The following ZNF804B variants were observed in gnomAD, a reference collection of about 807,000 sequenced individuals.
ZNF804B encodes zinc finger protein 804B.
ZNF804B carries 80 observed loss-of-function variants against 101.4 expected under a neutral mutation model. That is an observed-to-expected ratio of 0.79 (90% CI 0.66 to 0.95). The LOEUF (loss-of-function observed/expected upper bound fraction) is 0.95, where lower values mean the gene tolerates loss of function less well. Among genes scored for constraint, ZNF804B ranks in the 40% least tolerant of loss-of-function variants. ZNF804B has a pLI of 0.00. For missense variants in ZNF804B, 1,673 were observed against 1,561.9 expected (o/e 1.07, Z -1.20); for synonymous variants, 622 against 558.8 (o/e 1.11, Z -1.59).
Position 88,837,656 on chromosome 7 carries a change from GT to G in ZNF804B, c.108+77576del, listed in dbSNP as rs564488104. 9.9e-5 allele frequency among the ~76,000 whole-genome samples: 15 copies of G among 151,978 alleles called. No homozygotes were observed. In the South Asian group the frequency reaches 3.1e-3, roughly 32 times the overall value. On this transcript the variant is annotated intron_variant, in intron 1 of 3. Coordinates refer to ENST00000333190, the MANE Select transcript of ZNF804B (RefSeq NM_181646.5). ...GCTTTAATAAGTCACCAATTGTCAAGTTTTAGTGTAGTATCAAGGGAGAACG... is the reference window on the plus strand; with the variant it reads ...GCTTTAATAAGTCACCAATTGTCAAGTTTAGTGTAGTATCAAGGGAGAACG...
At chr7:89,074,843 A>G (rs2116303270) in intron 1 of ZNF804B, among the ~76,000 whole-genome samples, 1 of 152,306 alleles carries the variant, frequency 6.6e-6, no homozygotes, top group Admixed American at 6.5e-5. Context: ...TAGTGATATG[A>G]ACAATAACTT....
intron 2 of ZNF804B, among the ~76,000 whole-genome samples, chr7:89,276,541 TA>T (rs1789984043): frequency 6.6e-6 from 1 of 151,912 alleles, no homozygotes; most frequent in African/African-American, 2.4e-5. Context: ...ACTTCTGAGA[TA>T]AATTATGAGA....
At chr7:89,121,753 TA>T (rs1255734809) in intron 1 of ZNF804B, among the ~76,000 whole-genome samples, 1 of 152,164 alleles carries the variant, frequency 6.6e-6, no homozygotes, top group African/African-American at 2.4e-5. Context: ...TTTATTTTGG[TA>T]ATTGTGTTAT....
intron 1 of ZNF804B, among the ~76,000 whole-genome samples, chr7:89,142,224 A>G (rs1790728247): frequency 6.6e-6 from 1 of 151,380 alleles, no homozygotes; most frequent in African/African-American, 2.4e-5. Flanking sequence ...CTAAAAAAAA[A>G]GAAGGATTCT....
chr7:89,295,413 T>C (rs1790366397), intron 2 of ZNF804B, among the ~76,000 whole-genome samples: 1 of 152,154 alleles, frequency 6.6e-6, no homozygotes, highest in African/African-American at 2.4e-5. Context: ...CTGGTAATTT[T>C]TCTCACCATG....
intron 1 of ZNF804B, among the ~76,000 whole-genome samples, chr7:89,145,565 A>G (rs577442702): frequency 2.6e-5 from 4 of 152,220 alleles, no homozygotes; most frequent in African/African-American, 9.6e-5. Flanking sequence ...TCAATTCTTT[A>G]CAGCCATCAT....
At chr7:89,208,236 C>A (rs933543168) in intron 1 of ZNF804B, among the ~76,000 whole-genome samples, 1 of 152,060 alleles carries the variant, frequency 6.6e-6, no homozygotes, top group African/African-American at 2.4e-5. Flanking sequence ...TGCCAGCCAC[C>A]ACGCCTGGCT....
intron 2 of ZNF804B, among the ~76,000 whole-genome samples, chr7:89,230,378 A>G (rs961613594): frequency 4.6e-5 from 7 of 151,992 alleles, no homozygotes; most frequent in African/African-American, 1.4e-4. Flanking sequence ...TGTCCCCCCA[A>G]ATTTGATAAC....
At chr7:89,110,600 A>G (rs879860398) in intron 1 of ZNF804B, among the ~76,000 whole-genome samples, 1 of 152,226 alleles carries the variant, frequency 6.6e-6, no homozygotes, top group African/African-American at 2.4e-5. Flanking sequence ...AACAGAAAGT[A>G]TAGAGGGTTC....
At chr7:89,312,632 G>T (rs947785816) in intron 2 of ZNF804B, among the ~76,000 whole-genome samples, 3 of 152,050 alleles carry the variant, frequency 2.0e-5, no homozygotes, top group Non-Finnish European at 4.4e-5. Context: ...TTCTAACATG[G>T]GAGATCTTTT....
chr7:89,285,522 C>CAAGAAAAAAA (rs1790176326), intron 2 of ZNF804B, among the ~76,000 whole-genome samples: 2 of 22,394 alleles, frequency 8.9e-5, no homozygotes, highest in African/African-American at 1.5e-4. Flanking sequence ...GACTCTGTCT[C>CAAGAAAAAAA]AAAAAAAAAA....
At chr7:88,833,420 T>G (rs1300448638) in intron 1 of ZNF804B, among the ~76,000 whole-genome samples, 1 of 152,026 alleles carries the variant, frequency 6.6e-6, no homozygotes, top group Non-Finnish European at 1.5e-5. Flanking sequence ...ACAGGTTCTT[T>G]AGCTCTTACA....
At chr7:89,154,886 T>A (rs1394355286) in intron 1 of ZNF804B, among the ~76,000 whole-genome samples, 1 of 151,972 alleles carries the variant, frequency 6.6e-6, no homozygotes, top group Non-Finnish European at 1.5e-5. Context: ...ATTTAAAAAA[T>A]CCTGTAATTG....
chr7:88,923,159 G>A (rs1210225554), intron 1 of ZNF804B, among the ~76,000 whole-genome samples: 2 of 151,966 alleles, frequency 1.3e-5, no homozygotes, highest in African/African-American at 2.4e-5. Flanking sequence ...TGTGTGTGAC[G>A]TGAGCTGACT....
intron 1 of ZNF804B, among the ~76,000 whole-genome samples, chr7:89,166,286 C>G (rs564690105): frequency 6.6e-6 from 1 of 152,270 alleles, no homozygotes; most frequent in African/African-American, 2.4e-5. Context: ...GGGCACCAAA[C>G]CCCTGCACAG....
chr7:88,888,578 T>A (rs1264169267), intron 1 of ZNF804B, among the ~76,000 whole-genome samples: 1 of 152,054 alleles, frequency 6.6e-6, no homozygotes, highest in Non-Finnish European at 1.5e-5. Flanking sequence ...TGAAACATTT[T>A]ATCACAAGTA....
chr7:88,867,982 A>G (rs1038440825), intron 1 of ZNF804B, among the ~76,000 whole-genome samples: 5 of 152,066 alleles, frequency 3.3e-5, no homozygotes, highest in African/African-American at 7.2e-5. Context: ...GTCTGTTAGC[A>G]TAATCACCTA....
intron 1 of ZNF804B, among the ~76,000 whole-genome samples, chr7:88,953,191 A>G (rs986850836): frequency 1.3e-5 from 2 of 151,702 alleles, no homozygotes; most frequent in Admixed American, 6.6e-5. Flanking sequence ...TTCCACTCCA[A>G]ATTTATGTAC....
At chr7:89,126,355 A>G (rs997763695) in intron 1 of ZNF804B, among the ~76,000 whole-genome samples, 11 of 151,992 alleles carry the variant, frequency 7.2e-5, no homozygotes, top group African/African-American at 2.7e-4. Context: ...CATGGGAGAA[A>G]TACTGAATTA....
Sources: allele counts gnomAD v4.1 joint callset (sites outside exome capture counted in the v4.1 genomes callset), GRCh38; gene constraint gnomAD v4.1.1; transcripts MANE v1.5; gene names NCBI Gene and HGNC (gene_info 2026-07-23, HGNC 2026-07-21).